The following DYM variants were observed in gnomAD, a reference collection of about 807,000 sequenced individuals.
DYM encodes dyggve-Melchior-Clausen syndrome protein.
DYM carries 78 observed loss-of-function variants against 93.1 expected under a neutral mutation model. The observed-to-expected ratio is 0.84, with a 90% CI of 0.70 to 1.01. The LOEUF is 1.01. DYM is among the 50% of genes least tolerant of loss of function. DYM has a pLI of 0.00. For synonymous variants in DYM, 321 were observed against 319.7 expected (o/e 1.00, Z -0.04); for missense variants, 789 against 845.0 (o/e 0.93, Z 0.82).
At chr18:49,155,646 G>C (rs2086322168) in intron 15 of DYM, among the ~76,000 whole-genome samples, 1 of 152,144 alleles carries the variant, frequency 6.6e-6, no homozygotes, top group Non-Finnish European at 1.5e-5. Flanking sequence ...AAGTGGCCTT[G>C]TTACTGGCTC....
rs1481771283 is a variant in DYM at position 49,452,960 on chromosome 18, C to T, written c.-54+7438G>A. Among the ~76,000 whole-genome samples, 8 of 131,038 alleles carry T rather than the reference C, an allele frequency of 6.1e-5. 2 individuals are homozygous for T. The highest frequency in any genetic ancestry group is 2.4e-4 in the African/African-American group (8 of 33,086). The allele number at this position is 131,038 out of a possible 152,430, so 86.0% of individuals were successfully genotyped here. A position where few individuals can be genotyped will look rare whatever the true frequency, so the allele number is the denominator to read the frequency against. On this transcript the variant is annotated intron_variant, in intron 1 of 17. Transcript: ENST00000675505. ...TCTAGGCTCAGGGTTTGAGGATGCA[C>T]CAATCGGCACTCTGTATCTAGCTAA...
chr18:49,105,141 G>T (rs2080649913), intron 16 of DYM, among the ~76,000 whole-genome samples: 2 of 151,906 alleles, frequency 1.3e-5, no homozygotes, highest in Non-Finnish European at 2.9e-5. Context: ...GTCTTGGGAG[G>T]GTGTGTGTCC....
intron 11 of DYM, among the ~76,000 whole-genome samples, chr18:49,271,461 C>T (rs1262836550): frequency 6.6e-6 from 1 of 152,126 alleles, no homozygotes; most frequent in Non-Finnish European, 1.5e-5. Flanking sequence ...TGACTATCTT[C>T]CATCTTAGGG....
At chr18:49,330,755 G>A (rs952934041) in intron 8 of DYM, among the ~76,000 whole-genome samples, 7 of 152,058 alleles carry the variant, frequency 4.6e-5, no homozygotes, top group African/African-American at 1.7e-4. Context: ...CTTCCAATGG[G>A]ACACAAAAAG....
intron 11 of DYM, among the ~76,000 whole-genome samples, chr18:49,267,548 C>G (rs1301411880): frequency 6.6e-6 from 1 of 152,070 alleles, no homozygotes; most frequent in Non-Finnish European, 1.5e-5. Context: ...TATTCAAGAG[C>G]AAGATGAGCG....
intron 13 of DYM, among the ~76,000 whole-genome samples, chr18:49,211,209 C>T (rs1361966365): frequency 6.6e-6 from 1 of 151,868 alleles, no homozygotes; most frequent in African/African-American, 2.4e-5. Context: ...AACCCATAAG[C>T]GAACAACATA....
chr18:49,252,100 C>T (rs1236468049), intron 13 of DYM, among the ~76,000 whole-genome samples: 1 of 151,252 alleles, frequency 6.6e-6, no homozygotes, highest in Non-Finnish European at 1.5e-5. Flanking sequence ...TACCTGTAAT[C>T]CCAGCTACTT....
intron 1 of DYM, among the ~76,000 whole-genome samples, chr18:49,437,238 A>G (rs185558407): frequency 2.0e-5 from 3 of 152,330 alleles, no homozygotes; most frequent in African/African-American, 7.2e-5. Flanking sequence ...CTGTGTATAT[A>G]CAAACATATG....
intron 16 of DYM, among the ~76,000 whole-genome samples, chr18:49,107,725 T>A (rs545570584): frequency 1.3e-3 from 196 of 152,264 alleles, no homozygotes; most frequent in African/African-American, 4.4e-3. Context: ...ACAGCGGATA[T>A]TGGTGAGCAG....
chr18:49,076,310 T>G (rs1248438402), intron 17 of DYM, among the ~76,000 whole-genome samples: 1 of 152,194 alleles, frequency 6.6e-6, no homozygotes, highest in African/African-American at 2.4e-5. Flanking sequence ...CTTTCTACTT[T>G]GAGATGACAC....
chr18:49,433,438 A>T (rs2080519858), intron 1 of DYM, among the ~76,000 whole-genome samples: 1 of 152,214 alleles, frequency 6.6e-6, no homozygotes, highest in African/African-American at 2.4e-5. Flanking sequence ...AAAAATTGTG[A>T]GTTAACTCTA....
chr18:49,066,461 A>T (rs878872451), intron 17 of DYM, among the ~76,000 whole-genome samples: 4 of 152,228 alleles, frequency 2.6e-5, no homozygotes, highest in Non-Finnish European at 4.4e-5. Context: ...ATTCACGGTC[A>T]TTGCTGTATT....
rs180853732 is a variant in DYM at position 49,304,406 on chromosome 18, G to A, written c.764-17790C>T. Among the ~76,000 whole-genome samples, 237 of 152,222 alleles carry A rather than the reference G, an allele frequency of 1.6e-3. 2 individuals are homozygous for A. Among genetic ancestry groups the A allele is most frequent in the Admixed American group, 6.3e-3 (97 of 15,296 alleles). ...TTATCATATTATGCTTTATATCCCT[G>A]TTCATTGCCCACAGCTCTCTTCATC... is the stretch of plus-strand genomic sequence containing the variant. On this transcript the variant is annotated intron_variant, in intron 8 of 17. Coordinates refer to ENST00000675505, the MANE Select transcript of DYM (RefSeq NM_001353214.3).
intron 16 of DYM, 141 bp from the exon 17 acceptor site, chr18:49,097,656 G>A (rs1041368309): frequency 6.4e-6 from 5 of 779,424 alleles, no homozygotes; most frequent in Middle Eastern, 3.5e-4. Context: ...CCTCCTAAAC[G>A]CAGTTTGCTC....
chr18:49,106,991 T>C (rs955058019), intron 16 of DYM, among the ~76,000 whole-genome samples: 1 of 152,240 alleles, frequency 6.6e-6, no homozygotes, highest in African/African-American at 2.4e-5. Flanking sequence ...GATAATATCC[T>C]GCAGAATGTT....
At chr18:49,133,490 C>T (rs1209320167) in intron 15 of DYM, among the ~76,000 whole-genome samples, 1 of 152,208 alleles carries the variant, frequency 6.6e-6, no homozygotes, top group Admixed American at 6.5e-5. Context: ...AGCAAGGTGT[C>T]AGCTGAGCAG....
At chr18:49,277,536 G>C (rs1294858959) in intron 10 of DYM, among the ~76,000 whole-genome samples, 3 of 152,126 alleles carry the variant, frequency 2.0e-5, no homozygotes, top group Non-Finnish European at 4.4e-5. Flanking sequence ...CTATTAAGAG[G>C]TGGGGCCCTT....
At chr18:49,383,850 G>A (rs565136244) in intron 3 of DYM, among the ~76,000 whole-genome samples, 11 of 152,048 alleles carry the variant, frequency 7.2e-5, no homozygotes, top group African/African-American at 2.4e-4. Flanking sequence ...ATGAAAAGGA[G>A]AAAATAACAA....
intron 17 of DYM, among the ~76,000 whole-genome samples, chr18:49,086,979 C>T (rs1355046793): frequency 6.6e-6 from 1 of 151,642 alleles, no homozygotes; most frequent in East Asian, 1.9e-4. Context: ...CAGAGTGAAG[C>T]TCATGTCAAA....
Sources: allele counts gnomAD v4.1 joint callset (sites outside exome capture counted in the v4.1 genomes callset), GRCh38; gene constraint gnomAD v4.1.1; transcripts MANE v1.5; gene names NCBI Gene and HGNC (gene_info 2026-07-23, HGNC 2026-07-21).